The following F5 variants were observed in gnomAD, a reference collection of about 807,000 sequenced individuals.
F5 encodes coagulation factor V, also known as activated protein c cofactor.
Under a neutral mutation model 216.4 loss-of-function variants are expected in F5, and 138 were observed. The ratio of observed to expected loss-of-function variants is 0.64; its 90% CI spans 0.56 to 0.73. The LOEUF (loss-of-function observed/expected upper bound fraction) is 0.73. F5 is among the 30% of genes least tolerant of loss of function. The pLI, the probability that F5 is intolerant of heterozygous loss-of-function variation, is 0.00. For synonymous variants in F5, 916 were observed against 930.7 expected (o/e 0.98, Z 0.29); for missense variants, 2,403 against 2,674.0 (o/e 0.90, Z 2.24).
intron 7 of F5, among the ~76,000 whole-genome samples, chr1:169,553,763 A>G (rs577275692): frequency 6.6e-6 from 1 of 152,300 alleles, no homozygotes; most frequent in South Asian, 2.1e-4. Context: ...CTCTCATGCC[A>G]GTCAGAATGG....
Position 169,540,392 on chromosome 1 carries a change from G to A in F5, c.4698C>T (p.Asn1566=), listed in dbSNP as rs921390554. 1.2e-6 allele frequency: 2 copies of A among 1,613,998 alleles called. No homozygotes were observed. The highest frequency in any genetic ancestry group is 1.7e-6 in the Non-Finnish European group (2 of 1,179,928). Residue 1566 remains asparagine (N), a synonymous_variant, in exon 13 of 25, where the codon AAC becomes AAT. Transcript: ENST00000367797. ...TGCTGCGGAGGTACCATGCTGCAAT[G>A]TTGTCAGGATCTCTGGAGGAGTTGA... is the stretch of plus-strand genomic sequence containing the variant. The part of the protein sequence containing the change: ...TNINSSRDPD[N]IAAWYLRSNN...
intron 2 of F5, among the ~76,000 whole-genome samples, chr1:169,582,190 C>T (rs1354136658): frequency 6.6e-6 from 1 of 152,160 alleles, no homozygotes; most frequent in East Asian, 1.9e-4. Context: ...CCCCATGCCC[C>T]AAAGGGCCCC....
rs750068762 is a variant in F5 at position 169,542,584 on chromosome 1, T to C, written c.2506A>G (p.Ile836Val). The C allele has an allele frequency of 2.4e-5, 38 of 1,613,912 alleles. No individual in the cohort carries two copies. In the South Asian group the frequency reaches 3.6e-4, roughly 15 times the overall value. Residue 836 changes from isoleucine to valine, a missense_variant, in exon 13 of 25, where the codon ATA becomes GTA. Physicochemically the swap from Ile to Val is conservative, Grantham distance 29. Coordinates refer to ENST00000367797, the MANE Select transcript of F5 (RefSeq NM_000130.5). ...EHSSPYSEDP[I>V]EDPLQPDVTG... ...ACATCTGGCTGTAGAGGATCCTCTA[T>C]AGGGTCTTCAGAATATGGGCTGGAA...
At position 169,560,832 on chromosome 1, in the gene F5, A is replaced by C. The variant is rs7545236; in HGVS notation, c.374-66T>G. The C allele has an allele frequency of 0.21, 298,623 of 1,416,802 alleles. 42,645 individuals carry two copies. Among genetic ancestry groups the C allele is most frequent in the East Asian group, 0.6 (26,217 of 43,510 alleles). 87.8% of individuals were successfully genotyped at this position (1,416,802 alleles called of 1,614,324 possible). A position where few individuals can be genotyped will look rare whatever the true frequency, so the allele number is the denominator to read the frequency against. The stretch of plus-strand genomic sequence containing the variant: ...GAGGATTGCGTTTTCACCACTCTCA[A>C]ATCTGGGGATAGCTAAGATGAGTTC... On this transcript the variant is annotated intron_variant, in intron 3 of 24. Transcript: ENST00000367797.
Position 169,544,448 on chromosome 1 carries a change from A to G in F5, c.1823T>C (p.Val608Ala), listed in dbSNP as rs139249858. Reference protein sequence around the residue: ...TTLGFCFDDTVQWHFCSVGTQ... With the variant: ...TTLGFCFDDTAQWHFCSVGTQ... ...CCCCACACTACAGAAGTGCCACTGG[A>G]CAGTGTCATCAAAGCAGAATCCAAG... The change falls in exon 12 of 25, where the codon GTC becomes GCC. Residue 608 changes from valine (V) to alanine (A), a missense_variant. Around this residue, in one of 4 missense-constraint regions of F5, gnomAD observed 1,425 missense variants for 1,554.8 expected, o/e 0.92. Coordinates refer to ENST00000367797, the MANE Select transcript of F5 (RefSeq NM_000130.5). The G allele has an allele frequency of 6.2e-7, 1 of 1,614,184 alleles. No individual in the cohort carries two copies. The highest frequency in any genetic ancestry group is 8.5e-7 in the Non-Finnish European group (1 of 1,180,022).
intron 6 of F5, 75 bp downstream of exon 6, chr1:169,556,571 G>A: frequency 6.9e-7 from 1 of 1,445,134 alleles, no homozygotes; most frequent in Non-Finnish European, 9.7e-7. Flanking sequence ...AAAGGGCAAG[G>A]GAGAAAGAGG....
intron 2 of F5, among the ~76,000 whole-genome samples, chr1:169,574,717 G>A (rs1478946508): frequency 3.3e-5 from 5 of 152,180 alleles, no homozygotes; most frequent in African/African-American, 1.2e-4. Flanking sequence ...GAGCCTCAGA[G>A]AGTTTAAATA....
chr1:169,577,905 A>T (rs1660900676), intron 2 of F5, among the ~76,000 whole-genome samples: 1 of 152,102 alleles, frequency 6.6e-6, no homozygotes, highest in African/African-American at 2.4e-5. Context: ...ACAATAGTTC[A>T]TGCTGCAGGA....
At position 169,552,745 on chromosome 1, in the gene F5, A is replaced by C. The variant is rs1300089207; in HGVS notation, c.1119-11T>G. 6 of 1,601,952 alleles carry C rather than the reference A, an allele frequency of 3.7e-6. No homozygotes were observed. Among genetic ancestry groups the C allele is most frequent in the Non-Finnish European group, 5.1e-6 (6 of 1,171,020 alleles). ...TGAGACCTGTATTTTCTTAAAGTGA[A>C]GTAAAAAAAAATTAAACCACTTTCT... is the stretch of plus-strand genomic sequence containing the variant. On this transcript the variant is annotated splice_polypyrimidine_tract_variant and intron_variant, in intron 7 of 24. Coordinates refer to ENST00000367797, the MANE Select transcript of F5 (RefSeq NM_000130.5).
At position 169,555,190 on chromosome 1, in the gene F5, A is replaced by G. The variant is rs757181434; in HGVS notation, c.1110T>C (p.Asn370=). Reference sequence around the variant, plus strand: ...GAACCCCAACAACTCACTTGTCCATATTCGCTGGTATTACAGGTGCATAGT... The same window carrying G: ...GAACCCCAACAACTCACTTGTCCATGTTCGCTGGTATTACAGGTGCATAGT... ...IWDYAPVIPA[N]MDKKYRSQHL... The change falls in exon 7 of 25, where the codon AAT becomes AAC. Residue 370 remains asparagine, a synonymous_variant. Coordinates refer to ENST00000367797, the MANE Select transcript of F5 (RefSeq NM_000130.5). 1.2e-6 allele frequency: 2 copies of G among 1,614,096 alleles called. No individual in the cohort carries two copies. Among genetic ancestry groups the G allele is most frequent in the South Asian group, 1.1e-5 (1 of 91,086 alleles).
rs1449381070 is a variant in F5 at position 169,541,208 on chromosome 1, G to C, written c.3882C>G (p.Leu1294=). Residue 1294 remains leucine (L), a synonymous_variant, in exon 13 of 25, where the codon CTC becomes CTG. Transcript: ENST00000367797. ...GAGTCATATGGCTGAGTTCTGGAGA[G>C]AGGTTTGTCTGGCTGAAGTCTAGAG... ...TLSLDFSQTN[L]SPELSHMTLS... 6.3e-7 allele frequency: 1 copy of C among 1,591,498 alleles called. No homozygotes were observed. Among genetic ancestry groups the C allele is most frequent in the Non-Finnish European group, 8.6e-7 (1 of 1,166,214 alleles).
rs116652288 is a variant in F5 at position 169,573,024 on chromosome 1, T to C, written c.251-681A>G. ...GCAGTGATGCAATCTCAGGACCCAC[T>C]GCAACCTCCGCCTCCTGGGTTCAAG... is the stretch of plus-strand genomic sequence containing the variant. On this transcript the variant is annotated intron_variant, in intron 2 of 24. Coordinates refer to ENST00000367797, the MANE Select transcript of F5 (RefSeq NM_000130.5). Among the ~76,000 whole-genome samples, 1,053 of 151,982 alleles carry C rather than the reference T, an allele frequency of 6.9e-3. 14 individuals carry two copies. Among genetic ancestry groups the C allele is most frequent in the African/African-American group, 0.025 (1,018 of 41,486 alleles).
Position 169,557,800 on chromosome 1 carries a change from G to A in F5, c.731-933C>T, listed in dbSNP as rs539661780. Among the ~76,000 whole-genome samples the A allele has an allele frequency of 8.5e-5, 13 of 152,110 alleles. No individual in the cohort carries two copies. The South Asian group carries it at 2.7e-3, about 32-fold the overall frequency. On this transcript the variant is annotated intron_variant, in intron 5 of 24. Coordinates refer to ENST00000367797, the MANE Select transcript of F5 (RefSeq NM_000130.5). ...CCAGGATTCCTTGCATCACTAGGAG[G>A]CTTTGGTGGAAGCGTTTATCCATGC...
At chr1:169,532,749 C>A (rs1659618749) in intron 14 of F5, among the ~76,000 whole-genome samples, 2 of 151,556 alleles carry the variant, frequency 1.3e-5, no homozygotes, top group South Asian at 4.1e-4. Context: ...AATGGAAAAA[C>A]ATTCTATGCT....
At position 169,540,751 on chromosome 1, in the gene F5, G is replaced by A. The variant is rs756114950; in HGVS notation, c.4339C>T (p.Leu1447Phe). 2.5e-6 allele frequency: 4 copies of A among 1,613,938 alleles called. No individual in the cohort carries two copies. Among genetic ancestry groups the A allele is most frequent in the African/African-American group, 2.7e-5 (2 of 74,912 alleles). The change falls in exon 13 of 25, where the codon CTT (leucine) becomes TTT (phenylalanine). Residue 1447 changes from leucine (L) to phenylalanine (F), a missense_variant. Coordinates refer to ENST00000367797, the MANE Select transcript of F5 (RefSeq NM_000130.5). ...GATATCTGGCTGAGATCCGGGAGAA[G>A]GGTGGTGTCACTGATGTCTGGAGAG... ...TLSPDISDTTLLPDLSQISPP... is the reference protein window; with the variant it reads ...TLSPDISDTTFLPDLSQISPP...
intron 14 of F5, among the ~76,000 whole-genome samples, chr1:169,536,175 C>A (rs1659699862): frequency 6.6e-6 from 1 of 152,086 alleles, no homozygotes; most frequent in South Asian, 2.1e-4. Context: ...ACTGCCACCA[C>A]CACCACCACT....
intron 24 of F5, 55 bp from the exon 25 acceptor site, chr1:169,514,514 T>A: frequency 6.5e-7 from 1 of 1,539,482 alleles, no homozygotes; most frequent in South Asian, 1.1e-5. Flanking sequence ...CTAAGGTTTT[T>A]TGTTTTTGTT....
chr1:169,580,482 C>T (rs948514708), intron 2 of F5, among the ~76,000 whole-genome samples: 3 of 151,562 alleles, frequency 2.0e-5, no homozygotes, highest in African/African-American at 7.3e-5. Flanking sequence ...CTCCTGGGTT[C>T]AAGTGATTCT....
At chr1:169,562,758 G>A (rs922151468) in intron 3 of F5, among the ~76,000 whole-genome samples, 1 of 151,572 alleles carries the variant, frequency 6.6e-6, no homozygotes, top group Non-Finnish European at 1.5e-5. Flanking sequence ...TTCCCTCCCA[G>A]CCTTTGTGCT....
Sources: allele counts gnomAD v4.1 joint callset (sites outside exome capture counted in the v4.1 genomes callset), GRCh38; gene constraint gnomAD v4.1.1; regional missense constraint gnomAD v4.1.1; transcripts MANE v1.5; gene names NCBI Gene and HGNC (gene_info 2026-07-23, HGNC 2026-07-21).